The following CLIC4 variants were observed in gnomAD, a reference collection of about 807,000 sequenced individuals.
The protein encoded by CLIC4 is CLIC family member 4.
Under a neutral mutation model 24.6 loss-of-function variants are expected in CLIC4, and 13 were observed. That is an observed-to-expected ratio of 0.53 (90% confidence interval 0.34 to 0.84). CLIC4 has a LOEUF of 0.84. Ranked by LOEUF, CLIC4 falls within the 40% of genes least tolerant of loss-of-function variation. CLIC4 has a pLI of 0.01. For synonymous variants in CLIC4, 104 were observed against 111.3 expected (o/e 0.93, Z 0.41); for missense variants, 227 against 301.7 (o/e 0.75, Z 1.83).
At chr1:24,748,499 G>GTTTTTTTTTTTTTT (rs869153638) in intron 1 of CLIC4, among the ~76,000 whole-genome samples, 1 of 80,608 alleles carries the variant, frequency 1.2e-5, no homozygotes, top group African/African-American at 4.9e-5. Context: ...CAGGTTTTTT[G>GTTTTTTTTTTTTTT]TTTTTTTTTT....
rs1571258127 is a variant in CLIC4, at chr1:24,814,209, T to G, written c.298T>G (p.Cys100Gly). ...TGAGGAATTTCTTGAAGAAGTCTTA[T>G]GCCCTCCCAAGTGAGTATCAAGGAA... ...KIEEFLEEVLCPPKYLKLSPK... is the reference protein window; with the variant it reads ...KIEEFLEEVLGPPKYLKLSPK... The change falls in exon 3 of 6, where the codon TGC becomes GGC. Residue 100 changes from cysteine to glycine, a missense_variant. Transcript: ENST00000374379. 2 of 1,613,388 alleles carry G rather than the reference T, an allele frequency of 1.2e-6. No individual in the cohort carries two copies. The highest frequency in any genetic ancestry group is 8.5e-7 in the Non-Finnish European group (1 of 1,179,810).
chr1:24,762,544 G>A (rs1436930062), intron 1 of CLIC4, among the ~76,000 whole-genome samples: 1 of 152,188 alleles, frequency 6.6e-6, no homozygotes, highest in Non-Finnish European at 1.5e-5. Context: ...GCTAGACAAG[G>A]AGAACAAAGA....
At chr1:24,814,365 A>G in intron 3 of CLIC4, 146 bp downstream of exon 3, 1 of 964,596 alleles carries the variant, frequency 1.0e-6, no homozygotes, top group Non-Finnish European at 1.5e-6. Context: ...ACACAGATAT[A>G]AGAATTGGCT....
At chr1:24,807,069 T>C (rs1263176321) in intron 2 of CLIC4, among the ~76,000 whole-genome samples, 1 of 151,972 alleles carries the variant, frequency 6.6e-6, no homozygotes, top group Non-Finnish European at 1.5e-5. Context: ...CTGAGGATCA[T>C]TTGAGACCAG....
Position 24,839,899 on chromosome 1 carries a change from A to T in CLIC4, c.455A>T (p.Asp152Val). Residue 152 changes from aspartate (D) to valine (V), a missense_variant, in exon 5 of 6, where the codon GAT becomes GTT. Physicochemically the swap from Asp to Val is radical, Grantham distance 152. Transcript: ENST00000374379. ...RGLLKTLQKL[D>V]EYLNSPLPDE... ...CTCCTGAAAACCCTGCAGAAACTGG[A>T]TGAATATCTGAATTCTCCTCTCCCT... is the stretch of plus-strand genomic sequence containing the variant. 1 of 1,612,500 alleles carries T rather than the reference A, an allele frequency of 6.2e-7. No homozygotes were observed. The highest frequency in any genetic ancestry group is 8.5e-7 in the Non-Finnish European group (1 of 1,179,946).
intron 2 of CLIC4, among the ~76,000 whole-genome samples, chr1:24,811,195 A>T (rs1282798766): frequency 1.3e-5 from 2 of 152,218 alleles, no homozygotes; most frequent in African/African-American, 2.4e-5. Context: ...AAAACAAAAA[A>T]TAGTGAGAAG....
intron 2 of CLIC4, among the ~76,000 whole-genome samples, chr1:24,810,792 A>G (rs1306348451): frequency 6.6e-6 from 1 of 151,916 alleles, no homozygotes; most frequent in East Asian, 1.9e-4. Flanking sequence ...AATTTTAAAA[A>G]TGTTTATTTA....
chr1:24,751,021 T>A (rs1189462234), intron 1 of CLIC4, among the ~76,000 whole-genome samples: 1 of 152,058 alleles, frequency 6.6e-6, no homozygotes. Flanking sequence ...AGAATTCTGT[T>A]GTTGAGCATT....
At chr1:24,774,944 G>C (rs1352382247) in intron 1 of CLIC4, among the ~76,000 whole-genome samples, 1 of 152,060 alleles carries the variant, frequency 6.6e-6, no homozygotes, top group African/African-American at 2.4e-5. Flanking sequence ...GGTGGCGCAT[G>C]CCTGTAATCC....
rs1557807981 is a variant in CLIC4 at position 24,805,107 on chromosome 1, A to AAC, written c.182+7256_182+7257insAC. ...ATGTCAAAAAAAAAAAAAAAAAAAC[A>AAC]CAAAAACAAAGACAAACGAATTATG... On this transcript the variant is annotated intron_variant, in intron 2 of 5. Transcript: ENST00000374379. Among the ~76,000 whole-genome samples, 6 of 32,490 alleles carry AAC rather than the reference A, an allele frequency of 1.8e-4. No individual in the cohort carries two copies. In the South Asian group the frequency reaches 2.8e-3, roughly 15 times the overall value. 21.3% of individuals were successfully genotyped at this position (32,490 alleles called of 152,430 possible). A position where few individuals can be genotyped will look rare whatever the true frequency, so the allele number is the denominator to read the frequency against.
intron 1 of CLIC4, among the ~76,000 whole-genome samples, chr1:24,753,916 T>G (rs1189401021): frequency 6.6e-6 from 1 of 152,174 alleles, no homozygotes; most frequent in Non-Finnish European, 1.5e-5. Context: ...AAAAATGAAA[T>G]AAATTTTCTA....
intron 3 of CLIC4, 152 bp downstream of exon 3, chr1:24,814,371 T>A: frequency 1.1e-6 from 1 of 927,594 alleles, no homozygotes; most frequent in African/African-American, 1.7e-5. Context: ...ATATAAGAAT[T>A]GGCTTCCAGC....
intron 1 of CLIC4, among the ~76,000 whole-genome samples, chr1:24,755,193 C>G (rs978757194): frequency 5.9e-5 from 9 of 151,844 alleles, no homozygotes; most frequent in African/African-American, 2.2e-4. Flanking sequence ...GTCTTGAACT[C>G]CTGACCTCAT....
At chr1:24,771,960 T>C (rs1003282630) in intron 1 of CLIC4, 5 of 428,838 alleles carry the variant, frequency 1.2e-5, no homozygotes, top group Non-Finnish European at 2.3e-5. Context: ...GCCTTAGGCT[T>C]GGCTTAAGCT....
chr1:24,750,171 G>A (rs1037616349), intron 1 of CLIC4, among the ~76,000 whole-genome samples: 13 of 152,160 alleles, frequency 8.5e-5, no homozygotes, highest in Non-Finnish European at 1.3e-4. Context: ...TTGAGCCCAG[G>A]AGTTCGAGGC....
rs190451246 is a variant in CLIC4 at position 24,780,118 on chromosome 1, A to G, written c.73-17624A>G. On this transcript the variant is annotated intron_variant, in intron 1 of 5. Transcript: ENST00000374379. ...ACTGTTTTATTGAGCACTTAACCAC[A>G]TGCTGGACAATATTTTAAGAGCTTT... Among the ~76,000 whole-genome samples the G allele has an allele frequency of 2.0e-3, 298 of 152,326 alleles. 1 individual carries two copies. The highest frequency in any genetic ancestry group is 6.6e-3 in the African/African-American group (275 of 41,564).
chr1:24,746,979 C>T (rs978053260), intron 1 of CLIC4, among the ~76,000 whole-genome samples: 8 of 152,090 alleles, frequency 5.3e-5, no homozygotes. Flanking sequence ...CAGAGCAAGA[C>T]CCTGTCTCAA....
intron 1 of CLIC4, among the ~76,000 whole-genome samples, chr1:24,776,281 A>G (rs1445606133): frequency 6.6e-6 from 1 of 152,062 alleles, no homozygotes; most frequent in Non-Finnish European, 1.5e-5. Context: ...TGAATTTTCC[A>G]TTGGAGTTTT....
chr1:24,783,440 G>A (rs1225641939), intron 1 of CLIC4, among the ~76,000 whole-genome samples: 1 of 152,010 alleles, frequency 6.6e-6, no homozygotes, highest in East Asian at 1.9e-4. Flanking sequence ...GGTGGCTCAC[G>A]CCTGTAATCC....
Sources: gnomAD v4.1 joint callset for allele counts (sites outside exome capture counted in the v4.1 genomes callset) on GRCh38, gnomAD v4.1.1 for gene constraint, MANE v1.5 for transcripts, NCBI Gene and HGNC (gene_info 2026-07-23, HGNC 2026-07-21) for gene names.